Variants in SPAG16 observed in about 807,000 individuals in gnomAD.
SPAG16 encodes sperm-associated antigen 16 protein.
SPAG16 carries 86 observed loss-of-function variants against 80.4 expected under a neutral mutation model. The ratio of observed to expected loss-of-function variants is 1.07; its 90% confidence interval spans 0.90 to 1.28. The LOEUF (loss-of-function observed/expected upper bound fraction) is 1.28. Among genes scored for constraint, SPAG16 ranks in the 50% most tolerant of loss-of-function variants. SPAG16 has a pLI of 0.00. For missense variants in SPAG16, 870 were observed against 765.3 expected, an observed-to-expected ratio of 1.14 and a Z score of -1.61; for synonymous variants, 294 against 265.9, an observed-to-expected ratio of 1.11 and a Z score of -1.03.
intron 12 of SPAG16, among the ~76,000 whole-genome samples, chr2:213,956,228 T>C (rs1408162224): frequency 6.6e-6 from 1 of 152,008 alleles, no homozygotes; most frequent in Non-Finnish European, 1.5e-5. Context: ...AAGGCTGTGA[T>C]TACAGGCATA....
In SPAG16 at chr2:214,248,780, A is replaced by C. The variant is rs117917214; in HGVS notation, c.1720+99514A>C. On this transcript the variant is annotated intron_variant, in intron 15 of 15. Coordinates refer to ENST00000331683, the MANE Select transcript of SPAG16 (RefSeq NM_024532.5). Reference sequence around the variant, plus strand: ...TGATACTATACAAAAATTAATGCATAATAAGAGAATAGCAAGTGACAAAGA... The same window carrying C: ...TGATACTATACAAAAATTAATGCATCATAAGAGAATAGCAAGTGACAAAGA... 3.5e-4 allele frequency among the ~76,000 whole-genome samples: 53 copies of C among 152,324 alleles called. 4 individuals are homozygous for C. The East Asian group carries it at 0.01, about 29-fold the overall frequency.
intron 9 of SPAG16, among the ~76,000 whole-genome samples, chr2:213,411,429 A>G (rs544580883): frequency 4.6e-5 from 7 of 152,364 alleles, no homozygotes; most frequent in Admixed American, 4.6e-4. Flanking sequence ...AGATGCTGTT[A>G]AAGGAATAGC....
At chr2:213,988,869 C>G (rs2046149184) in intron 12 of SPAG16, among the ~76,000 whole-genome samples, 1 of 152,006 alleles carries the variant, frequency 6.6e-6, no homozygotes, top group East Asian at 1.9e-4. Context: ...AAATTCTCCC[C>G]AAATTAACAA....
intron 11 of SPAG16, among the ~76,000 whole-genome samples, chr2:213,926,295 A>G (rs1389862816): frequency 6.6e-6 from 1 of 151,948 alleles, no homozygotes. Context: ...TTACATGAGT[A>G]AGTTCTTTAG....
chr2:213,560,606 T>C (rs1234268448), intron 10 of SPAG16, among the ~76,000 whole-genome samples: 1 of 152,176 alleles, frequency 6.6e-6, no homozygotes, highest in African/African-American at 2.4e-5. Flanking sequence ...TTTTTGACAA[T>C]CTCTGTTTTT....
chr2:213,662,889 A>G (rs1463393788), intron 10 of SPAG16, among the ~76,000 whole-genome samples: 2 of 152,136 alleles, frequency 1.3e-5, no homozygotes, highest in African/African-American at 4.8e-5. Flanking sequence ...AAATGTTTGT[A>G]AATGAAGGAC....
intron 15 of SPAG16, among the ~76,000 whole-genome samples, chr2:214,226,841 A>T (rs2058709262): frequency 6.6e-6 from 1 of 151,992 alleles, no homozygotes; most frequent in African/African-American, 2.4e-5. Flanking sequence ...ATTGTACTTG[A>T]TTTCTTCAAG....
At chr2:213,449,308 C>A (rs1210043834) in intron 9 of SPAG16, among the ~76,000 whole-genome samples, 4 of 152,166 alleles carry the variant, frequency 2.6e-5, no homozygotes, top group Admixed American at 2.6e-4. Context: ...AATATAGACC[C>A]TTATCAATGG....
chr2:214,149,407 G>T, intron 15 of SPAG16, 141 bp downstream of exon 15: 2 of 740,894 alleles, frequency 2.7e-6, no homozygotes, highest in Non-Finnish European at 3.7e-6. Context: ...ATTACATTAA[G>T]ATATATTTTA....
chr2:213,707,778 C>T (rs1399032815), intron 10 of SPAG16, among the ~76,000 whole-genome samples: 1 of 152,032 alleles, frequency 6.6e-6, no homozygotes, highest in Non-Finnish European at 1.5e-5. Flanking sequence ...AATAAACTCA[C>T]CTATAATTAC....
At chr2:213,893,783 T>A (rs1310409280) in intron 11 of SPAG16, among the ~76,000 whole-genome samples, 2 of 151,994 alleles carry the variant, frequency 1.3e-5, no homozygotes, top group African/African-American at 2.4e-5. Flanking sequence ...TAAACCATAC[T>A]AGCAGAGAAA....
intron 9 of SPAG16, among the ~76,000 whole-genome samples, chr2:213,404,885 T>C (rs963946279): frequency 2.0e-5 from 3 of 152,202 alleles, no homozygotes; most frequent in Non-Finnish European, 4.4e-5. Flanking sequence ...CTTGAACTTA[T>C]TTGTGTGTAT....
intron 14 of SPAG16, among the ~76,000 whole-genome samples, chr2:214,124,635 C>T (rs114646790): frequency 0.022 from 3,392 of 151,912 alleles, 118 homozygotes; most frequent in South Asian, 0.13. Flanking sequence ...TGATTATCCC[C>T]TTTAATGTAA....
At chr2:213,918,130 T>C (rs926251004) in intron 11 of SPAG16, among the ~76,000 whole-genome samples, 14 of 152,194 alleles carry the variant, frequency 9.2e-5, no homozygotes, top group African/African-American at 3.4e-4. Flanking sequence ...TACTTGGTCA[T>C]GATGGATTAG....
At chr2:214,105,099 C>G (rs1303205345) in intron 13 of SPAG16, among the ~76,000 whole-genome samples, 1 of 152,086 alleles carries the variant, frequency 6.6e-6, no homozygotes, top group Non-Finnish European at 1.5e-5. Context: ...CTGAATCCAA[C>G]CAGAGCCCAG....
chr2:213,470,264 A>T (rs2073006119), intron 9 of SPAG16, among the ~76,000 whole-genome samples: 1 of 152,208 alleles, frequency 6.6e-6, no homozygotes, highest in Non-Finnish European at 1.5e-5. Flanking sequence ...GGAACATGAT[A>T]AGACCAGTGA....
chr2:213,388,485 TG>T (rs1352181114), intron 9 of SPAG16, among the ~76,000 whole-genome samples: 1 of 152,034 alleles, frequency 6.6e-6, no homozygotes, highest in Non-Finnish European at 1.5e-5. Context: ...CACACAAGCC[TG>T]GGGATAGGTG....
chr2:214,300,225 T>A (rs1271794136), intron 15 of SPAG16, among the ~76,000 whole-genome samples: 1 of 152,188 alleles, frequency 6.6e-6, no homozygotes, highest in Non-Finnish European at 1.5e-5. Flanking sequence ...AATAAACAAT[T>A]GCTTATTTGT....
At chr2:213,727,927 C>T (rs1410993034) in intron 10 of SPAG16, among the ~76,000 whole-genome samples, 1 of 152,080 alleles carries the variant, frequency 6.6e-6, no homozygotes, top group Non-Finnish European at 1.5e-5. Flanking sequence ...CAGCTCACTG[C>T]AACCTCCGTC....
Sources: allele counts gnomAD v4.1 joint callset (sites outside exome capture counted in the v4.1 genomes callset), GRCh38; gene constraint gnomAD v4.1.1; transcripts MANE v1.5; gene names NCBI Gene and HGNC (gene_info 2026-07-23, HGNC 2026-07-21).